DCLK1: variants seen among roughly 807,000 people sequenced by gnomAD.
DCLK1 encodes the protein serine/threonine-protein kinase DCLK1.
Under a neutral mutation model 86.2 loss-of-function variants are expected in DCLK1, and 16 were observed. The observed-to-expected ratio is 0.19, with a 90% CI of 0.13 to 0.28. The LOEUF (loss-of-function observed/expected upper bound fraction) is 0.28, where lower values mean the gene tolerates loss of function less well. Among genes scored for constraint, DCLK1 ranks in the 10% least tolerant of loss-of-function variants. DCLK1 has a pLI of 1.00. For synonymous variants in DCLK1, 369 were observed against 370.5 expected, an observed-to-expected ratio of 1.00 and a Z score of 0.05; for missense variants, 590 against 940.2, an observed-to-expected ratio of 0.63 and a Z score of 4.87.
At chr13:35,980,640 T>C (rs1329001264) in intron 3 of DCLK1, among the ~76,000 whole-genome samples, 1 of 151,972 alleles carries the variant, frequency 6.6e-6, no homozygotes, top group African/African-American at 2.4e-5. Flanking sequence ...GGAAGAAAAT[T>C]TTTCCATGGA....
At chr13:36,107,795 C>A (rs1005514118) in intron 3 of DCLK1, among the ~76,000 whole-genome samples, 1 of 152,120 alleles carries the variant, frequency 6.6e-6, no homozygotes, top group African/African-American at 2.4e-5. Context: ...GCAAGGGTAT[C>A]TTTGTAGCAA....
intron 10 of DCLK1, among the ~76,000 whole-genome samples, chr13:35,826,564 A>AAGGAGGGAGGGAAGGAAGGG (rs1555342400): frequency 2.2e-5 from 1 of 46,038 alleles, no homozygotes. Context: ...AGAAAGAAAC[A>AAGGAGGGAGGGAAGGAAGGG]AGTCCTAATT....
At chr13:35,912,014 T>C (rs1875066858) in intron 4 of DCLK1, among the ~76,000 whole-genome samples, 1 of 152,208 alleles carries the variant, frequency 6.6e-6, no homozygotes, top group South Asian at 2.1e-4. Flanking sequence ...TAAGGACCAC[T>C]GTACCTTCCT....
At chr13:35,921,881 G>A (rs1875824144) in intron 4 of DCLK1, among the ~76,000 whole-genome samples, 1 of 152,298 alleles carries the variant, frequency 6.6e-6, no homozygotes, top group African/African-American at 2.4e-5. Flanking sequence ...CAGGAGCTGG[G>A]AGGAAATGGT....
chr13:36,051,212 C>T (rs915540315), intron 3 of DCLK1, among the ~76,000 whole-genome samples: 7 of 152,136 alleles, frequency 4.6e-5, no homozygotes, highest in African/African-American at 1.7e-4. Context: ...GACACTAATC[C>T]TTCCAGCTCA....
At chr13:36,015,617 C>G (rs1040182381) in intron 3 of DCLK1, among the ~76,000 whole-genome samples, 1 of 152,162 alleles carries the variant, frequency 6.6e-6, no homozygotes, top group Non-Finnish European at 1.5e-5. Context: ...TATTTTCAAT[C>G]TTGCCCCTCT....
intron 3 of DCLK1, among the ~76,000 whole-genome samples, chr13:36,016,394 G>A (rs891662551): frequency 6.6e-6 from 1 of 151,926 alleles, no homozygotes; most frequent in Non-Finnish European, 1.5e-5. Flanking sequence ...CTAGTCAAGG[G>A]GTCACCATTA....
intron 3 of DCLK1, among the ~76,000 whole-genome samples, chr13:36,023,389 CA>C (rs1340218640): frequency 6.6e-6 from 1 of 152,086 alleles, no homozygotes; most frequent in Non-Finnish European, 1.5e-5. Context: ...CAAAGACCAG[CA>C]GAAAGAGACC....
intron 4 of DCLK1, among the ~76,000 whole-genome samples, chr13:35,940,193 C>G (rs576826090): frequency 6.7e-6 from 1 of 149,044 alleles, no homozygotes; most frequent in East Asian, 2.0e-4. Flanking sequence ...TGCACTCCAG[C>G]CTGGGTGACA....
intron 4 of DCLK1, among the ~76,000 whole-genome samples, chr13:35,914,367 A>ACG (rs1196104910): frequency 1.4e-3 from 15 of 10,868 alleles, no homozygotes; most frequent in African/African-American, 3.4e-3. Flanking sequence ...ATATATATAT[A>ACG]TGTATATATA....
intron 3 of DCLK1, among the ~76,000 whole-genome samples, chr13:36,025,654 A>T (rs1410634207): frequency 6.6e-6 from 1 of 152,224 alleles, no homozygotes; most frequent in Admixed American, 6.5e-5. Flanking sequence ...CACATATTGT[A>T]TAGGCCCATT....
chr13:36,083,820 G>C (rs1254267180), intron 3 of DCLK1, among the ~76,000 whole-genome samples: 4 of 152,054 alleles, frequency 2.6e-5, no homozygotes, highest in African/African-American at 9.7e-5. Context: ...TTCTAAGCTA[G>C]GAAGAGAAAA....
intron 3 of DCLK1, among the ~76,000 whole-genome samples, chr13:36,100,235 C>G (rs1319697127): frequency 6.9e-6 from 1 of 143,926 alleles, no homozygotes; most frequent in African/African-American, 2.6e-5. Context: ...CAAAATTAGC[C>G]AGGCATGGTG....
At chr13:35,808,438 A>G (rs1460808519) in intron 13 of DCLK1, 118 bp from the exon 14 acceptor site, 1 of 870,292 alleles carries the variant, frequency 1.1e-6, no homozygotes, top group Non-Finnish European at 1.9e-6. Context: ...AAAAATGTGT[A>G]TTTTTAATCG....
At chr13:35,928,886 G>C (rs1311971224) in intron 4 of DCLK1, among the ~76,000 whole-genome samples, 2 of 152,152 alleles carry the variant, frequency 1.3e-5, no homozygotes, top group Non-Finnish European at 2.9e-5. Flanking sequence ...CATAGCATAT[G>C]GTGACATTTT....
intron 3 of DCLK1, among the ~76,000 whole-genome samples, chr13:36,033,942 C>A (rs1488302325): frequency 6.6e-6 from 1 of 152,048 alleles, no homozygotes; most frequent in African/African-American, 2.4e-5. Flanking sequence ...AAGCATTTTG[C>A]AAACAAATAT....
At chr13:35,782,228 G>A (rs929292079) in intron 16 of DCLK1, among the ~76,000 whole-genome samples, 5 of 152,050 alleles carry the variant, frequency 3.3e-5, no homozygotes, top group Admixed American at 2.6e-4. Flanking sequence ...TCTTAAATTG[G>A]CCTAGCTCTG....
intron 3 of DCLK1, among the ~76,000 whole-genome samples, chr13:36,003,827 T>C (rs12429806): frequency 0.36 from 55,229 of 152,128 alleles, 11,216 homozygotes; most frequent in Non-Finnish European, 0.45. Flanking sequence ...ATGGAAGTAG[T>C]TATGATTTTT....
intron 3 of DCLK1, among the ~76,000 whole-genome samples, chr13:36,072,956 T>A (rs1276711763): frequency 6.6e-6 from 1 of 152,220 alleles, no homozygotes; most frequent in Non-Finnish European, 1.5e-5. Flanking sequence ...TGCGCATTAC[T>A]ACATGGATTC....
Sources: allele counts gnomAD v4.1 joint callset (sites outside exome capture counted in the v4.1 genomes callset), GRCh38; gene constraint gnomAD v4.1.1; transcripts MANE v1.5; gene names NCBI Gene and HGNC (gene_info 2026-07-23, HGNC 2026-07-21).